ANK1: variants seen among roughly 807,000 people sequenced by gnomAD.
ANK1 encodes the protein ankyrin 1.
Under a neutral mutation model 210.4 loss-of-function variants are expected in ANK1, and 51 were observed. The ratio of observed to expected loss-of-function variants is 0.24; its 90% confidence interval spans 0.19 to 0.31. The LOEUF is 0.31. ANK1 is among the 10% of genes least tolerant of loss of function. The pLI, the probability that ANK1 is intolerant of heterozygous loss-of-function variation, is 1.00. For synonymous variants in ANK1, 967 were observed against 1,025.9 expected (o/e 0.94, Z 1.10); for missense variants, 2,051 against 2,504.4 (o/e 0.82, Z 3.86).
At chr8:41,883,918 T>C (rs980155570) in intron 1 of ANK1, among the ~76,000 whole-genome samples, 1 of 152,180 alleles carries the variant, frequency 6.6e-6, no homozygotes, top group African/African-American at 2.4e-5. Context: ...GCACAGTTAA[T>C]GTTCATAAAT....
intron 3 of ANK1, among the ~76,000 whole-genome samples, chr8:41,732,242 G>T (rs1402279690): frequency 2.0e-5 from 3 of 152,102 alleles, no homozygotes; most frequent in African/African-American, 7.2e-5. Flanking sequence ...AACTGAAATT[G>T]AGGTTGTGTG....
chr8:41,714,132 G>C, intron 16 of ANK1, 24 bp downstream of exon 16: 1 of 1,322,904 alleles, frequency 7.6e-7, no homozygotes, highest in Non-Finnish European at 9.8e-7. Flanking sequence ...TCCAGGGGCA[G>C]CTGGGGAGAG....
At chr8:41,827,791 AC>A (rs1805700733) in intron 1 of ANK1, among the ~76,000 whole-genome samples, 1 of 151,296 alleles carries the variant, frequency 6.6e-6, no homozygotes, top group Non-Finnish European at 1.5e-5. Flanking sequence ...ACGCCCACAC[AC>A]ATGCACACTC....
intron 2 of ANK1, among the ~76,000 whole-genome samples, chr8:41,754,705 C>T (rs937719939): frequency 2.6e-5 from 4 of 152,198 alleles, no homozygotes; most frequent in East Asian, 1.9e-4. Flanking sequence ...GTGCACATTA[C>T]GCAGATGCAG....
intron 2 of ANK1, among the ~76,000 whole-genome samples, chr8:41,752,519 C>T (rs563672379): frequency 1.2e-4 from 19 of 152,280 alleles, no homozygotes; most frequent in Non-Finnish European, 2.4e-4. Flanking sequence ...TGCTTGGATT[C>T]CTCAGAGCCT....
At chr8:41,800,643 A>G (rs145946265), upstream of ANK1, among the ~76,000 whole-genome samples, 621 of 152,162 alleles carry the variant, frequency 4.1e-3, 4 homozygotes, top group African/African-American at 0.014. Flanking sequence ...CCCCTCCCCA[A>G]CAGAGATGGA....
chr8:41,697,562 C>A (rs10104042), intron 24 of ANK1, among the ~76,000 whole-genome samples: 6,277 of 152,048 alleles, frequency 0.041, 409 homozygotes, highest in African/African-American at 0.14. Context: ...TGGAGCACTC[C>A]CCCGCTCTCC....
chr8:41,806,455 C>T (rs1002392814), intron 1 of ANK1, among the ~76,000 whole-genome samples: 1 of 152,162 alleles, frequency 6.6e-6, no homozygotes, highest in African/African-American at 2.4e-5. Flanking sequence ...TTGTTCATGT[C>T]GGTAATCCCA....
Position 41,690,552 on chromosome 8 carries a change from C to T in ANK1, c.3906G>A (p.Val1302=). The change falls in exon 32 of 43, where the codon GTG becomes GTA. Residue 1302 remains valine (V), a synonymous_variant. Transcript: ENST00000289734. ...SLFAELSGNL[V]PVKKAAQQRS... is the part of the protein sequence containing the mutation. ...GCTGCTGGGCAGCTTTCTTCACAGGCACCAGGTTCCCAGAGAGTTCTGCAA... is the reference window on the plus strand; with the variant it reads ...GCTGCTGGGCAGCTTTCTTCACAGGTACCAGGTTCCCAGAGAGTTCTGCAA... The T allele has an allele frequency of 1.2e-6, 2 of 1,613,954 alleles. No homozygotes were observed. Among genetic ancestry groups the T allele is most frequent in the Non-Finnish European group, 1.7e-6 (2 of 1,179,916 alleles).
chr8:41,715,383 C>T (rs552384073), intron 14 of ANK1, among the ~76,000 whole-genome samples: 11 of 152,186 alleles, frequency 7.2e-5, no homozygotes, highest in Non-Finnish European at 1.2e-4. Flanking sequence ...TGTGACTTGC[C>T]CAAAGCAGGT....
At position 41,744,543 on chromosome 8, in the gene ANK1, T is replaced by C. The variant is rs866156992; in HGVS notation, c.130-10474A>G. On this transcript the variant is annotated intron_variant, in intron 2 of 42. Coordinates refer to ENST00000289734, the MANE Select transcript of ANK1 (RefSeq NM_000037.4). Reference sequence around the variant, plus strand: ...GGGAGCATGATTTCTTTTCTTTTTTTTTTTTTTTTTTGAGACAGAGTCTTG... The same window carrying C: ...GGGAGCATGATTTCTTTTCTTTTTTCTTTTTTTTTTTGAGACAGAGTCTTG... 3.0e-3 allele frequency among the ~76,000 whole-genome samples: 441 copies of C among 149,368 alleles called. 2 individuals carry two copies. The highest frequency in any genetic ancestry group is 0.01 in the African/African-American group (415 of 40,702).
At chr8:41,871,536 G>A (rs1218886952) in intron 1 of ANK1, among the ~76,000 whole-genome samples, 2 of 152,164 alleles carry the variant, frequency 1.3e-5, no homozygotes, top group Non-Finnish European at 2.9e-5. Flanking sequence ...AGCACCATAC[G>A]AAGAAGATCG....
At chr8:41,835,037 C>G (rs558109678) in intron 1 of ANK1, among the ~76,000 whole-genome samples, 2 of 152,388 alleles carry the variant, frequency 1.3e-5, no homozygotes, top group Admixed American at 6.5e-5. Flanking sequence ...CTACAACTCA[C>G]TGTCTGATTT....
intron 1 of ANK1, among the ~76,000 whole-genome samples, chr8:41,823,738 T>C (rs1804868327): frequency 6.6e-6 from 1 of 152,086 alleles, no homozygotes; most frequent in Non-Finnish European, 1.5e-5. Context: ...TATTCCAGCC[T>C]GGGCAACAGA....
intron 1 of ANK1, among the ~76,000 whole-genome samples, chr8:41,779,259 CT>C (rs1175695452): frequency 6.6e-6 from 1 of 151,840 alleles, no homozygotes; most frequent in African/African-American, 2.4e-5. Context: ...TGCTAGACAA[CT>C]TTTTTTTCCC....
At chr8:41,819,974 C>T (rs183600786) in intron 1 of ANK1, among the ~76,000 whole-genome samples, 16 of 152,312 alleles carry the variant, frequency 1.1e-4, no homozygotes, top group Admixed American at 6.5e-5. Context: ...TTATGTAGGG[C>T]CCATGCCACT....
At chr8:41,676,641 A>G (rs1814248814) in intron 37 of ANK1, among the ~76,000 whole-genome samples, 1 of 152,148 alleles carries the variant, frequency 6.6e-6, no homozygotes, top group African/African-American at 2.4e-5. Flanking sequence ...TATCTGAGAA[A>G]TCTTTGCCTT....
chr8:41,810,914 T>G (rs1194896128), intron 1 of ANK1, among the ~76,000 whole-genome samples: 2 of 152,176 alleles, frequency 1.3e-5, no homozygotes, highest in Admixed American at 6.5e-5. Context: ...GTGCCTAAAA[T>G]CGTCTTCACG....
chr8:41,860,060 C>T (rs554371435), intron 1 of ANK1, among the ~76,000 whole-genome samples: 18 of 152,220 alleles, frequency 1.2e-4, no homozygotes, highest in African/African-American at 3.9e-4. Context: ...CATCAGCAAA[C>T]GAGACAAGGC....
Sources: gnomAD v4.1 joint callset for allele counts (sites outside exome capture counted in the v4.1 genomes callset) on GRCh38, gnomAD v4.1.1 for gene constraint, MANE v1.5 for transcripts, NCBI Gene and HGNC (gene_info 2026-07-23, HGNC 2026-07-21) for gene names.